Variants in SCUBE1 observed in about 807,000 individuals in gnomAD.
The protein encoded by SCUBE1 is signal peptide, CUB and EGF-like domain-containing protein 1.
A neutral mutation model predicts 124.4 loss-of-function variants in SCUBE1; 59 were observed. The observed-to-expected ratio is 0.47, with a 90% CI of 0.38 to 0.59. SCUBE1 has a LOEUF of 0.59. Among genes scored for constraint, SCUBE1 ranks in the 20% least tolerant of loss-of-function variants. The pLI is 0.00. For missense variants in SCUBE1, 1,150 were observed against 1,371.2 expected (o/e 0.84, Z 2.55); for synonymous variants, 545 against 550.9 (o/e 0.99, Z 0.15).
chr22:43,212,988 C>T (rs997256746), intron 16 of SCUBE1, among the ~76,000 whole-genome samples: 3 of 152,140 alleles, frequency 2.0e-5, no homozygotes, highest in Non-Finnish European at 4.4e-5. Flanking sequence ...ACCTGCTCAG[C>T]TTCAGGGTGA....
chr22:43,224,768 C>T (rs1014050231), intron 10 of SCUBE1, among the ~76,000 whole-genome samples: 12 of 152,070 alleles, frequency 7.9e-5, no homozygotes, highest in Non-Finnish European at 1.5e-4. Flanking sequence ...TTGGGGGAAC[C>T]GGAACGTCAT....
chr22:43,224,835 G>T (rs1922240159), intron 10 of SCUBE1, among the ~76,000 whole-genome samples: 1 of 152,150 alleles, frequency 6.6e-6, no homozygotes, highest in Non-Finnish European at 1.5e-5. Context: ...TTATGCCAAG[G>T]CTGCAACTTC....
At chr22:43,300,238 G>C (rs1052261489) in intron 3 of SCUBE1, among the ~76,000 whole-genome samples, 1 of 151,552 alleles carries the variant, frequency 6.6e-6, no homozygotes, top group Non-Finnish European at 1.5e-5. Flanking sequence ...TTTCCAACCA[G>C]CAAAGTATGG....
At chr22:43,235,855 C>A (rs1352235189) in intron 7 of SCUBE1, among the ~76,000 whole-genome samples, 1 of 152,058 alleles carries the variant, frequency 6.6e-6, no homozygotes, top group African/African-American at 2.4e-5. Flanking sequence ...CCTCCCAACA[C>A]CAAACGGGCA....
Position 43,223,511 on chromosome 22 carries a change from G to A in SCUBE1, c.1208-295C>T, listed in dbSNP as rs556082112. On this transcript the variant is annotated intron_variant, in intron 10 of 21. Transcript: ENST00000360835. The stretch of plus-strand genomic sequence containing the variant: ...CTGAGGGCAGGGCTGAGCTCTCCAG[G>A]GCAGGCGTCCATTCCCACTGGGGAA... 3.0e-4 allele frequency among the ~76,000 whole-genome samples: 46 copies of A among 152,298 alleles called. 2 individuals carry two copies. In the South Asian group the frequency reaches 8.9e-3, roughly 30 times the overall value.
intron 14 of SCUBE1, 144 bp from the exon 15 acceptor site, chr22:43,218,602 C>A: frequency 1.2e-6 from 1 of 817,204 alleles, no homozygotes; most frequent in Non-Finnish European, 1.9e-6. Context: ...GGGCAAGGGG[C>A]CACTGTCATG....
chr22:43,247,179 G>A (rs1923249286), intron 6 of SCUBE1, among the ~76,000 whole-genome samples: 1 of 152,240 alleles, frequency 6.6e-6, no homozygotes, highest in South Asian at 2.1e-4. Flanking sequence ...GGTGAAGAAG[G>A]AAAGGATGGA....
rs147548473 is a variant in SCUBE1, at chr22:43,205,468, C to T, written c.2815-1319G>A. Among the ~76,000 whole-genome samples the T allele has an allele frequency of 1.2e-3, 187 of 152,070 alleles. 1 individual carries two copies. Among genetic ancestry groups the T allele is most frequent in the African/African-American group, 4.3e-3 (177 of 41,426 alleles). On this transcript the variant is annotated intron_variant, in intron 21 of 21. Transcript: ENST00000360835. ...GAAGGTGTTCAGCAAATGGCGACCA[C>T]CACCTGCTGGCGCGTGAGAGCTCCT...
Position 43,198,430 on chromosome 22 carries a change from G to A in SCUBE1, c.*5567C>T. Reference sequence around the variant, plus strand: ...TGATGTCCTTTCCAAGAGCAAGGCAGGTGGGATCAGGCCAACCCCAGCTCT... The same window carrying A: ...TGATGTCCTTTCCAAGAGCAAGGCAAGTGGGATCAGGCCAACCCCAGCTCT... On this transcript the variant is annotated 3_prime_UTR_variant, in exon 22 of 22. Transcript: ENST00000360835. 2.5e-6 allele frequency: 1 copy of A among 403,864 alleles called. No individual in the cohort carries two copies. The highest frequency in any genetic ancestry group is 5.0e-6 in the Non-Finnish European group (1 of 198,432). 25.0% of individuals were successfully genotyped at this position (403,864 alleles called of 1,614,324 possible).
chr22:43,311,354 C>G (rs1368434880), intron 3 of SCUBE1, among the ~76,000 whole-genome samples: 1 of 151,692 alleles, frequency 6.6e-6, no homozygotes, highest in South Asian at 2.1e-4. Flanking sequence ...GCACTCAGAA[C>G]AATTTTTTTG....
intron 1 of SCUBE1, 81 bp from the exon 2 acceptor site, chr22:43,339,316 T>G: frequency 7.1e-7 from 1 of 1,414,726 alleles, no homozygotes; most frequent in South Asian, 1.3e-5. Context: ...CAGGGGGAGC[T>G]CTTGCCTTTG....
intron 3 of SCUBE1, among the ~76,000 whole-genome samples, chr22:43,314,124 G>A (rs1926260839): frequency 6.6e-6 from 1 of 152,204 alleles, no homozygotes; most frequent in Admixed American, 6.5e-5. Flanking sequence ...GAATGCACAA[G>A]GCAGCGGAGA....
intron 7 of SCUBE1, among the ~76,000 whole-genome samples, chr22:43,236,592 C>T (rs1479198087): frequency 2.0e-5 from 3 of 152,192 alleles, no homozygotes; most frequent in Admixed American, 6.5e-5. Context: ...CCATCTGGCC[C>T]GCCTCCTTTG....
At chr22:43,332,902 T>A (rs1160460158) in intron 2 of SCUBE1, among the ~76,000 whole-genome samples, 1 of 152,108 alleles carries the variant, frequency 6.6e-6, no homozygotes, top group African/African-American at 2.4e-5. Flanking sequence ...AACTCCCCTG[T>A]CTGGGGGACC....
At chr22:43,254,662 C>G (rs1050440062) in intron 6 of SCUBE1, among the ~76,000 whole-genome samples, 3 of 152,320 alleles carry the variant, frequency 2.0e-5, no homozygotes, top group Middle Eastern at 3.4e-3. Context: ...GCTGCAAACA[C>G]TGGTGTGAGC....
chr22:43,294,265 C>A (rs570059311), intron 3 of SCUBE1, among the ~76,000 whole-genome samples: 1 of 152,348 alleles, frequency 6.6e-6, no homozygotes, highest in South Asian at 2.1e-4. Flanking sequence ...GAGGCCATGA[C>A]CAGCATCTCT....
rs770026731 is a variant in SCUBE1 at position 43,258,301 on chromosome 22, G to A, written c.645C>T (p.His215=). Residue 215 remains histidine (H), a synonymous_variant, in exon 6 of 22, where the codon CAC becomes CAT. Coordinates refer to ENST00000360835, the MANE Select transcript of SCUBE1 (RefSeq NM_173050.5). The surrounding 1 kb of genome is among the most constrained non-coding windows in gnomAD (Gnocchi z 5.0). The stretch of plus-strand genomic sequence containing the variant: ...GGCCTGTGTCTGTGTCCTCACAGCT[G>A]TGCTGGCAGCCTCCGTTTCCATAAT... The part of the protein sequence containing the change: ...TCNYGNGGCQ[H]SCEDTDTGPT... 10 of 1,614,146 alleles carry A rather than the reference G, an allele frequency of 6.2e-6. 1 individual carries two copies. Among genetic ancestry groups the A allele is most frequent in the Middle Eastern group, 3.3e-4 (2 of 6,062 alleles).
chr22:43,204,871 G>C (rs1921156038), intron 21 of SCUBE1, among the ~76,000 whole-genome samples: 1 of 151,666 alleles, frequency 6.6e-6, no homozygotes, highest in African/African-American at 2.4e-5. Flanking sequence ...TTGAAACCGG[G>C]AGGCGGAGGT....
intron 5 of SCUBE1, among the ~76,000 whole-genome samples, chr22:43,259,810 AG>A (rs934886467): frequency 6.6e-6 from 1 of 152,176 alleles, no homozygotes; most frequent in African/African-American, 2.4e-5. Flanking sequence ...GCTGACTTCT[AG>A]GGGGAAATTT....
Sources: allele counts gnomAD v4.1 joint callset (sites outside exome capture counted in the v4.1 genomes callset), GRCh38; gene constraint gnomAD v4.1.1; non-coding constraint Gnocchi (gnomAD v3.1); transcripts MANE v1.5; gene names NCBI Gene and HGNC (gene_info 2026-07-23, HGNC 2026-07-21).